The following PEX7 variants were observed in gnomAD, a reference collection of about 807,000 sequenced individuals.
PEX7 encodes peroxisomal biogenesis factor 7.
A neutral mutation model predicts 47.5 loss-of-function variants in PEX7; 34 were observed. The observed-to-expected ratio is 0.72, with a 90% CI of 0.54 to 0.95. The LOEUF is 0.95. PEX7 is among the 40% of genes least tolerant of loss of function. PEX7 has a pLI of 0.00. For synonymous variants in PEX7, 141 were observed against 148.8 expected (o/e 0.95, Z 0.38); for missense variants, 394 against 400.3 (o/e 0.98, Z 0.13).
chr6:136,826,792 A>G (rs1383032946), intron 3 of PEX7, among the ~76,000 whole-genome samples: 2 of 152,060 alleles, frequency 1.3e-5, no homozygotes, highest in African/African-American at 4.8e-5. Context: ...ATGGTGCCTT[A>G]AGGTAGAGGT....
intron 5 of PEX7, among the ~76,000 whole-genome samples, chr6:136,850,917 GTTTTTTTTTTT>G (rs35220728): frequency 2.9e-5 from 2 of 69,168 alleles, no homozygotes; most frequent in African/African-American, 1.1e-4. Flanking sequence ...AAAACTGATG[GTTTTTTTTTTT>G]TTTTTTTTTT....
At chr6:136,838,421 T>C (rs544431482) in intron 3 of PEX7, among the ~76,000 whole-genome samples, 1 of 152,284 alleles carries the variant, frequency 6.6e-6, no homozygotes, top group Admixed American at 6.5e-5. Context: ...GTAAATGTTA[T>C]GGGATGTGGG....
intron 5 of PEX7, among the ~76,000 whole-genome samples, chr6:136,866,118 A>C (rs1310514426): frequency 1.3e-5 from 2 of 151,798 alleles, no homozygotes; most frequent in African/African-American, 2.4e-5. Context: ...TAAATAAATA[A>C]AATTTTTTAG....
At chr6:136,863,435 A>G (rs80124965) in intron 5 of PEX7, among the ~76,000 whole-genome samples, 3 of 152,162 alleles carry the variant, frequency 2.0e-5, no homozygotes, top group Non-Finnish European at 4.4e-5. Context: ...AGGAAAAAAA[A>G]TCCTACATAC....
At chr6:136,824,817 G>A (rs1420809522) in intron 1 of PEX7, among the ~76,000 whole-genome samples, 1 of 152,196 alleles carries the variant, frequency 6.6e-6, no homozygotes, top group African/African-American at 2.4e-5. Flanking sequence ...CCTGGGGTCT[G>A]TAAGCCAGAG....
At chr6:136,850,969 CTT>C (rs200796690) in intron 5 of PEX7, among the ~76,000 whole-genome samples, 1 of 72,456 alleles carries the variant, frequency 1.4e-5, no homozygotes, top group Non-Finnish European at 2.8e-5. Context: ...TTTCTGCTGT[CTT>C]TTTTTTTTAT....
chr6:136,822,634 C>T lies in PEX7; in HGVS notation c.-32C>T, dbSNP rs557736023. 4.0e-6 allele frequency: 6 copies of T among 1,516,806 alleles called. No homozygotes were observed. The highest frequency in any genetic ancestry group is 2.5e-5 in the East Asian group (1 of 39,720). 94.0% of individuals were successfully genotyped at this position (1,516,806 alleles called of 1,614,324 possible). The stretch of plus-strand genomic sequence containing the variant: ...TCCGACTCGGAACGGCTTCCGCGGC[C>T]GGGGCAGCGAGGGCCGGGGGCGGCG... On this transcript the variant is annotated 5_prime_UTR_variant, in exon 1 of 10. Transcript: ENST00000318471.
intron 1 of PEX7, 105 bp downstream of exon 1, chr6:136,822,900 G>T: frequency 2.5e-6 from 3 of 1,215,932 alleles, no homozygotes; most frequent in Non-Finnish European, 3.1e-6. Flanking sequence ...GAGCGTAGAC[G>T]GTTCCGCGGG....
chr6:136,847,244 G>A (rs1334334507), intron 5 of PEX7, among the ~76,000 whole-genome samples: 3 of 152,110 alleles, frequency 2.0e-5, no homozygotes, highest in Non-Finnish European at 4.4e-5. Context: ...CTGGATATTA[G>A]CCTTTTGTCA....
Position 136,872,246 on chromosome 6 carries a change from A to T in PEX7, c.796A>T (p.Thr266Ser). The change falls in exon 8 of 10, where the codon ACT becomes TCT. Residue 266 changes from threonine to serine, a missense_variant. Thr to Ser is a moderately conservative substitution (Grantham distance 58). Coordinates refer to ENST00000318471, the MANE Select transcript of PEX7 (RefSeq NM_000288.4). ...SVLASCSYDF[T>S]VRFWNFSKPD... is the part of the protein sequence containing the mutation. ...GCTGGCCTCTTGCTCGTATGATTTT[A>T]CTGTAAGGTACAGTGGTTTTTAATA... The T allele has an allele frequency of 6.2e-7, 1 of 1,600,160 alleles. No homozygotes were observed.
At chr6:136,872,893 C>T (rs1316170457) in intron 8 of PEX7, among the ~76,000 whole-genome samples, 1 of 151,998 alleles carries the variant, frequency 6.6e-6, no homozygotes, top group East Asian at 1.9e-4. Context: ...ATTGCAAAGC[C>T]ATACCTTTGA....
intron 3 of PEX7, among the ~76,000 whole-genome samples, chr6:136,834,250 G>T (rs1774347485): frequency 6.6e-6 from 1 of 152,158 alleles, no homozygotes; most frequent in South Asian, 2.1e-4. Context: ...AGACTGCAGT[G>T]GCACAATCTC....
intron 8 of PEX7, among the ~76,000 whole-genome samples, chr6:136,877,007 C>T (rs1250238894): frequency 6.6e-6 from 1 of 152,194 alleles, no homozygotes; most frequent in Non-Finnish European, 1.5e-5. Context: ...TCTGTTATTT[C>T]TTGACTTTTT....
At chr6:136,882,597 A>G (rs1775396883) in intron 8 of PEX7, among the ~76,000 whole-genome samples, 1 of 152,046 alleles carries the variant, frequency 6.6e-6, no homozygotes, top group African/African-American at 2.4e-5. Flanking sequence ...AATTATCTTA[A>G]TTTCTAAGCT....
At chr6:136,903,336 C>CTTTTTTT (rs552573661) in intron 9 of PEX7, among the ~76,000 whole-genome samples, 5 of 126,314 alleles carry the variant, frequency 4.0e-5, no homozygotes, top group South Asian at 2.6e-4. Context: ...CTTTCTTTCT[C>CTTTTTTT]TTTTTTTTTT....
intron 9 of PEX7, among the ~76,000 whole-genome samples, chr6:136,898,855 A>G (rs7741263): frequency 0.047 from 7,169 of 152,160 alleles, 349 homozygotes; most frequent in African/African-American, 0.12. Context: ...TGTAAAGTCA[A>G]TCAGAAACAC....
At chr6:136,826,568 A>G (rs892214299) in intron 3 of PEX7, 99 bp downstream of exon 3, 6 of 1,376,726 alleles carry the variant, frequency 4.4e-6, no homozygotes, top group Middle Eastern at 2.0e-4. Context: ...TTCAGGGGAC[A>G]AGTTTAAACG....
At chr6:136,863,782 G>A (rs768399093) in intron 5 of PEX7, among the ~76,000 whole-genome samples, 2 of 152,040 alleles carry the variant, frequency 1.3e-5, no homozygotes, top group Non-Finnish European at 2.9e-5. Context: ...GGTGGTGTGC[G>A]CTTGTAGTCG....
chr6:136,860,386 A>AG (rs1345507136), intron 5 of PEX7, among the ~76,000 whole-genome samples: 1 of 146,608 alleles, frequency 6.8e-6, no homozygotes, highest in Non-Finnish European at 1.5e-5. Flanking sequence ...TAACTGCAAG[A>AG]GGGGACAGCT....
Sources: allele counts gnomAD v4.1 joint callset (sites outside exome capture counted in the v4.1 genomes callset), GRCh38; gene constraint gnomAD v4.1.1; transcripts MANE v1.5; gene names NCBI Gene and HGNC (gene_info 2026-07-23, HGNC 2026-07-21).